Variants in CPNE5 observed in about 807,000 individuals in gnomAD.
CPNE5 encodes copine-5.
CPNE5 carries 42 observed loss-of-function variants against 81.1 expected under a neutral mutation model. That is an observed-to-expected ratio of 0.52 (90% confidence interval 0.40 to 0.67). The LOEUF is 0.67. Among genes scored for constraint, CPNE5 ranks in the 30% least tolerant of loss-of-function variants. CPNE5 has a pLI of 0.00. For missense variants in CPNE5, 612 were observed against 815.5 expected (o/e 0.75, Z 3.04); for synonymous variants, 313 against 321.5 (o/e 0.97, Z 0.28).
chr6:36,758,113 G>A (rs373548653), intron 12 of CPNE5, among the ~76,000 whole-genome samples: 19 of 152,224 alleles, frequency 1.2e-4, no homozygotes, highest in African/African-American at 4.3e-4. Flanking sequence ...CCTAATAATA[G>A]CTGTGTGACC....
intron 8 of CPNE5, among the ~76,000 whole-genome samples, chr6:36,788,089 G>A (rs1768740346): frequency 6.7e-6 from 1 of 148,586 alleles, no homozygotes; most frequent in African/African-American, 2.5e-5. Flanking sequence ...TCAGTGCACT[G>A]GTGCAATCAT....
chr6:36,794,531 C>A, intron 7 of CPNE5, 59 bp downstream of exon 7: 2 of 1,527,880 alleles, frequency 1.3e-6, no homozygotes, highest in South Asian at 1.1e-5. Context: ...CTGAGGCCCC[C>A]TTTGCAGAGC....
chr6:36,753,557 T>G (rs1182577747), intron 13 of CPNE5, among the ~76,000 whole-genome samples: 1 of 152,252 alleles, frequency 6.6e-6, no homozygotes, highest in Admixed American at 6.5e-5. Context: ...CAGGCTTCCA[T>G]GTGCCTAGAG....
Position 36,742,092 on chromosome 6 carries a change from A to AGTCAGTAACTATAGTCATAGTCACT in CPNE5, c.*175_*176insAGTGACTATGACTATAGTTACTGAC. On this transcript the variant is annotated 3_prime_UTR_variant, in exon 21 of 21. Coordinates refer to ENST00000244751, the MANE Select transcript of CPNE5 (RefSeq NM_020939.2). Reference sequence around the variant, plus strand: ...CCCCCCTAACTCCCTGGGTTTGGGCAATAAGTGAGGCCAAGAAATTGAGGA... The same window carrying AGTCAGTAACTATAGTCATAGTCACT: ...CCCCCCTAACTCCCTGGGTTTGGGCAGTCAGTAACTATAGTCATAGTCACTATAAGTGAGGCCAAGAAATTGAGGA... 2 of 591,970 alleles carry AGTCAGTAACTATAGTCATAGTCACT rather than the reference A, an allele frequency of 3.4e-6. No homozygotes were observed. Among genetic ancestry groups the AGTCAGTAACTATAGTCATAGTCACT allele is most frequent in the Admixed American group, 3.0e-5 (1 of 33,058 alleles). 36.7% of individuals were successfully genotyped at this position (591,970 alleles called of 1,614,324 possible).
At chr6:36,815,398 T>G (rs750734961) in intron 3 of CPNE5, among the ~76,000 whole-genome samples, 1 of 152,266 alleles carries the variant, frequency 6.6e-6, no homozygotes, top group African/African-American at 2.4e-5. Context: ...AATTCTTATT[T>G]CATTGTGATG....
intron 10 of CPNE5, among the ~76,000 whole-genome samples, chr6:36,773,285 C>T (rs145666035): frequency 6.9e-4 from 105 of 152,344 alleles, no homozygotes; most frequent in African/African-American, 2.4e-3. Context: ...ACCTCACCCA[C>T]CTGAGCTGCA....
At chr6:36,765,313 C>T in intron 11 of CPNE5, 22 bp downstream of exon 11, 1 of 1,613,776 alleles carries the variant, frequency 6.2e-7, no homozygotes, top group East Asian at 2.2e-5. Flanking sequence ...ACCTTCTCGC[C>T]CCTGCCCTCC....
chr6:36,827,419 T>C (rs1172311808), intron 1 of CPNE5: 14 of 985,296 alleles, frequency 1.4e-5, no homozygotes, highest in Non-Finnish European at 1.7e-5. Flanking sequence ...TGGCAGTTCC[T>C]TGGGCTCTGT....
chr6:36,816,657 C>T (rs531801116), intron 3 of CPNE5, among the ~76,000 whole-genome samples: 1 of 152,316 alleles, frequency 6.6e-6, no homozygotes, highest in Admixed American at 6.5e-5. Context: ...GTCTTCTATC[C>T]CAGAGGCGGT....
At chr6:36,779,041 A>G in intron 8 of CPNE5, 84 bp from the exon 9 acceptor site, 1 of 901,006 alleles carries the variant, frequency 1.1e-6, no homozygotes, top group South Asian at 1.4e-5. Flanking sequence ...TGAGGAGTCC[A>G]GGCACCAGCC....
intron 11 of CPNE5, among the ~76,000 whole-genome samples, chr6:36,763,829 T>C (rs1346368712): frequency 6.6e-6 from 1 of 152,046 alleles, no homozygotes; most frequent in Non-Finnish European, 1.5e-5. Flanking sequence ...TAAACCCTTC[T>C]CTAATGAGAT....
intron 1 of CPNE5, among the ~76,000 whole-genome samples, chr6:36,830,793 C>T (rs1772923229): frequency 6.6e-6 from 1 of 152,140 alleles, no homozygotes; most frequent in Non-Finnish European, 1.5e-5. Flanking sequence ...AAGTCAACAG[C>T]TTCAAACAGA....
At position 36,806,521 on chromosome 6, in the gene CPNE5, T is replaced by C. The variant is rs1770606466; in HGVS notation, c.184-6451A>G. Among the ~76,000 whole-genome samples, 3 of 152,194 alleles carry C rather than the reference T, an allele frequency of 2.0e-5. No individual in the cohort carries two copies. In the South Asian group the frequency reaches 6.2e-4, roughly 32 times the overall value. On this transcript the variant is annotated intron_variant, in intron 3 of 20. Transcript: ENST00000244751. ...AGCCTGGGTGGTCACAGCTCCCTGC[T>C]GTTGCAAGCCCCCAGGTGATGCTCT...
At chr6:36,802,158 G>T (rs1002304764) in intron 3 of CPNE5, among the ~76,000 whole-genome samples, 1 of 131,914 alleles carries the variant, frequency 7.6e-6, no homozygotes, top group African/African-American at 2.7e-5. Context: ...GGCGGAGGTT[G>T]CAGTGAGCCA....
intron 11 of CPNE5, among the ~76,000 whole-genome samples, chr6:36,763,602 C>CAAA (rs55880019): frequency 8.1e-6 from 1 of 123,146 alleles, no homozygotes; most frequent in South Asian, 2.7e-4. Flanking sequence ...GACTCTATCT[C>CAAA]AAAAAAAAAA....
intron 3 of CPNE5, among the ~76,000 whole-genome samples, chr6:36,811,276 C>T (rs2150561642): frequency 6.6e-6 from 1 of 152,272 alleles, no homozygotes; most frequent in East Asian, 1.9e-4. Context: ...CAGCTCACTC[C>T]AAAACATCGA....
chr6:36,790,473 A>T (rs750089508), intron 8 of CPNE5, among the ~76,000 whole-genome samples: 3 of 152,250 alleles, frequency 2.0e-5, no homozygotes, highest in Non-Finnish European at 2.9e-5. Flanking sequence ...AGAAGCAGCT[A>T]TGAGAATCCA....
intron 3 of CPNE5, among the ~76,000 whole-genome samples, chr6:36,812,502 A>G (rs1771190436): frequency 6.6e-6 from 1 of 152,204 alleles, no homozygotes; most frequent in African/African-American, 2.4e-5. Context: ...TCCACTAAGC[A>G]GGCATTGGGA....
At chr6:36,800,288 G>T (rs1280636311) in intron 3 of CPNE5, among the ~76,000 whole-genome samples, 1 of 152,172 alleles carries the variant, frequency 6.6e-6, no homozygotes, top group African/African-American at 2.4e-5. Flanking sequence ...AACCCGTACT[G>T]CTTCTTCCCA....
Sources: gnomAD v4.1 joint callset for allele counts (sites outside exome capture counted in the v4.1 genomes callset) on GRCh38, gnomAD v4.1.1 for gene constraint, MANE v1.5 for transcripts, NCBI Gene and HGNC (gene_info 2026-07-23, HGNC 2026-07-21) for gene names.